COL14A1: variants seen among roughly 807,000 people sequenced by gnomAD.
COL14A1 encodes collagen type XIV alpha 1 chain, also known as collagen alpha-1(XIV) chain.
A neutral mutation model predicts 230.3 loss-of-function variants in COL14A1; 136 were observed. The observed-to-expected ratio is 0.59, with a 90% CI of 0.51 to 0.68. The LOEUF is 0.68. Ranked by LOEUF, COL14A1 falls within the 30% of genes least tolerant of loss-of-function variation. COL14A1 has a pLI of 0.00. For synonymous variants in COL14A1, 792 were observed against 784.1 expected (o/e 1.01, Z -0.17); for missense variants, 1,976 against 2,215.8 (o/e 0.89, Z 2.17).
chr8:120,197,621 C>G (rs1817082431), intron 6 of COL14A1, among the ~76,000 whole-genome samples, 190 bp from the exon 7 acceptor site: 1 of 152,062 alleles, frequency 6.6e-6, no homozygotes, highest in South Asian at 2.1e-4. Context: ...ACTCCCTCAA[C>G]CCCCGTATAT....
At chr8:120,266,579 A>T (rs1335151887) in intron 24 of COL14A1, among the ~76,000 whole-genome samples, 1 of 152,018 alleles carries the variant, frequency 6.6e-6, no homozygotes, top group African/African-American at 2.4e-5. Context: ...TGACAGTTTG[A>T]TTTCATTGAC....
At chr8:120,191,325 G>T (rs1007942667) in intron 5 of COL14A1, among the ~76,000 whole-genome samples, 1 of 152,166 alleles carries the variant, frequency 6.6e-6, no homozygotes, top group African/African-American at 2.4e-5. Context: ...TCAGGAGCAG[G>T]TTGTTCAGTT....
chr8:120,296,711 A>C (rs1820540931), intron 34 of COL14A1, among the ~76,000 whole-genome samples: 1 of 152,002 alleles, frequency 6.6e-6, no homozygotes, highest in African/African-American at 2.4e-5. Context: ...ATGATGTTGT[A>C]ATTATGTTTC....
intron 45 of COL14A1, among the ~76,000 whole-genome samples, chr8:120,363,786 G>A (rs1024828007): frequency 1.3e-5 from 2 of 152,180 alleles, no homozygotes; most frequent in Non-Finnish European, 2.9e-5. Context: ...AGTGGAATGC[G>A]CAGTACCAAA....
intron 31 of COL14A1, among the ~76,000 whole-genome samples, chr8:120,281,423 G>T (rs1455900457): frequency 6.6e-6 from 1 of 151,874 alleles, no homozygotes; most frequent in Non-Finnish European, 1.5e-5. Flanking sequence ...AAATTAGCTG[G>T]GCATTGTAGT....
chr8:120,172,843 C>T (rs1816139870), intron 5 of COL14A1, among the ~76,000 whole-genome samples: 1 of 152,164 alleles, frequency 6.6e-6, no homozygotes, highest in Admixed American at 6.5e-5. Context: ...ACCTTGAATG[C>T]ATTAAGGTCT....
intron 26 of COL14A1, among the ~76,000 whole-genome samples, chr8:120,275,655 C>CA (rs1819816040): frequency 6.6e-6 from 1 of 151,654 alleles, no homozygotes; most frequent in Non-Finnish European, 1.5e-5. Context: ...AATATCTCAT[C>CA]AAAAAATGGG....
intron 40 of COL14A1, among the ~76,000 whole-genome samples, chr8:120,320,155 G>A (rs1331246925): frequency 6.6e-6 from 1 of 152,128 alleles, no homozygotes; most frequent in Non-Finnish European, 1.5e-5. Context: ...TTCCTCAGCG[G>A]TAAAGTGGAA....
At chr8:120,212,657 T>A in intron 13 of COL14A1, 80 bp downstream of exon 13, 3 of 1,527,756 alleles carry the variant, frequency 2.0e-6, no homozygotes, top group Non-Finnish European at 2.7e-6. Context: ...GAACTACTAG[T>A]TTTGTTGAAA....
intron 45 of COL14A1, among the ~76,000 whole-genome samples, chr8:120,355,327 G>T (rs1822939335): frequency 6.6e-6 from 1 of 151,824 alleles, no homozygotes. Context: ...TCAACAATAA[G>T]TTTGTTGGTT....
chr8:120,135,842 A>C (rs747401455), intron 1 of COL14A1, among the ~76,000 whole-genome samples: 4 of 151,860 alleles, frequency 2.6e-5, no homozygotes, highest in Non-Finnish European at 5.9e-5. Flanking sequence ...TGTCATATTA[A>C]TTTCTAACTA....
chr8:120,355,322 A>C (rs1822938869), intron 45 of COL14A1, among the ~76,000 whole-genome samples: 1 of 152,182 alleles, frequency 6.6e-6, no homozygotes, highest in South Asian at 2.1e-4. Context: ...ACAAGTCAAC[A>C]ATAAGTTTGT....
chr8:120,279,553 A>G (rs1269849026), intron 28 of COL14A1, among the ~76,000 whole-genome samples: 1 of 21,906 alleles, frequency 4.6e-5, no homozygotes, highest in Non-Finnish European at 9.1e-5. Flanking sequence ...TCTACTTCTG[A>G]AAAAAAAAAA....
chr8:120,327,177 T>C (rs1335143114), intron 40 of COL14A1, among the ~76,000 whole-genome samples: 2 of 152,222 alleles, frequency 1.3e-5, no homozygotes, highest in African/African-American at 4.8e-5. Context: ...TGGATGCTGT[T>C]GGTGCCCTGA....
At chr8:120,308,431 TA>T (rs1820918971) in intron 36 of COL14A1, among the ~76,000 whole-genome samples, 2 of 152,222 alleles carry the variant, frequency 1.3e-5, no homozygotes, top group South Asian at 4.1e-4. Flanking sequence ...TGTGCTATAA[TA>T]AAAAATCACT....
In COL14A1 at chr8:120,319,330, T is replaced by A. The variant is rs531890985; in HGVS notation, c.4659+3333T>A. Among the ~76,000 whole-genome samples the A allele has an allele frequency of 2.6e-5, 4 of 151,676 alleles. No individual in the cohort carries two copies. The East Asian group carries it at 5.8e-4, about 22-fold the overall frequency. ...CACCATCATGTCTGGCTAATTTTTT[T>A]ATTTTATTTATTTATTTATTTTTGG... On this transcript the variant is annotated intron_variant, in intron 40 of 47. Transcript: ENST00000297848.
At chr8:120,186,518 GAC>G (rs1219139098) in intron 5 of COL14A1, among the ~76,000 whole-genome samples, 3 of 152,202 alleles carry the variant, frequency 2.0e-5, no homozygotes, top group African/African-American at 7.2e-5. Flanking sequence ...GAGGTTTTCT[GAC>G]TGAGGTTAAG....
chr8:120,358,028 A>G (rs1823046642), intron 45 of COL14A1, among the ~76,000 whole-genome samples: 1 of 152,240 alleles, frequency 6.6e-6, no homozygotes, highest in Non-Finnish European at 1.5e-5. Context: ...CCATTAAATT[A>G]TGTTCCCACC....
chr8:120,358,158 T>G (rs1321669319), intron 45 of COL14A1, among the ~76,000 whole-genome samples: 2 of 152,180 alleles, frequency 1.3e-5, no homozygotes, highest in Non-Finnish European at 2.9e-5. Flanking sequence ...TTTAAAACCT[T>G]AATTGAAAAG....
Sources: gnomAD v4.1 joint callset for allele counts (sites outside exome capture counted in the v4.1 genomes callset) on GRCh38, gnomAD v4.1.1 for gene constraint, MANE v1.5 for transcripts, NCBI Gene and HGNC (gene_info 2026-07-23, HGNC 2026-07-21) for gene names.